The following SLC23A2 variants were observed in gnomAD, a reference collection of about 807,000 sequenced individuals.
SLC23A2 encodes Na(+)/L-ascorbic acid transporter 2.
Under a neutral mutation model 73.3 loss-of-function variants are expected in SLC23A2, and 36 were observed. The observed-to-expected ratio is 0.49, with a 90% CI of 0.38 to 0.65. SLC23A2 has a LOEUF of 0.65. SLC23A2 is among the 30% of genes least tolerant of loss of function. SLC23A2 has a pLI of 0.00. For synonymous variants in SLC23A2, 343 were observed against 327.3 expected (o/e 1.05, Z -0.52); for missense variants, 507 against 841.6 (o/e 0.60, Z 4.92).
Position 4,899,339 on chromosome 20 carries a change from G to A in SLC23A2, c.482+216C>T, listed in dbSNP as rs1931660291. Among the ~76,000 whole-genome samples, 1 of 152,126 alleles carries A rather than the reference G, an allele frequency of 6.6e-6. No individual in the cohort carries two copies. The highest frequency in any genetic ancestry group is 2.1e-4 in the South Asian group (1 of 4,826). On this transcript the variant is annotated intron_variant, in intron 6 of 16. Coordinates refer to ENST00000338244, the MANE Select transcript of SLC23A2 (RefSeq NM_005116.6). This position sits in a 1 kb window ranked among gnomAD's most constrained non-coding sequence, Gnocchi z 4.9. ...AGAGTGAGGCTGAGTTTCCAGCTTG[G>A]ACAACTGGGTAGGGGAAGGTGGCGG...
rs935461691 is a variant in SLC23A2, at chr20:4,899,368, T to A, written c.482+187A>T. 2.6e-5 allele frequency among the ~76,000 whole-genome samples: 4 copies of A among 151,654 alleles called. No individual in the cohort carries two copies. Among genetic ancestry groups the A allele is most frequent in the Non-Finnish European group, 5.9e-5 (4 of 67,906 alleles). ...ACTGGGTAGGGGAAGGTGGCGGTGG[T>A]GCCATTCACCAAGAGAGGAAATGAC... On this transcript the variant is annotated intron_variant, in intron 6 of 16. Coordinates refer to ENST00000338244, the MANE Select transcript of SLC23A2 (RefSeq NM_005116.6). The surrounding 1 kb of genome is among the most constrained non-coding windows in gnomAD (Gnocchi z 4.9).
Position 4,928,330 on chromosome 20 carries a change from C to T in SLC23A2, c.108+4125G>A, listed in dbSNP as rs1012562278. Among the ~76,000 whole-genome samples, 9 of 152,212 alleles carry T rather than the reference C, an allele frequency of 5.9e-5. No homozygotes were observed. In the East Asian group the frequency reaches 9.6e-4, roughly 16 times the overall value. On this transcript the variant is annotated intron_variant, in intron 3 of 16. Coordinates refer to ENST00000338244, the MANE Select transcript of SLC23A2 (RefSeq NM_005116.6). ...TGCTGAGATTACAGGCCTGAGCATC[C>T]GCACCCAGCCTATAACATGTTTTCT... is the stretch of plus-strand genomic sequence containing the variant.
intron 2 of SLC23A2, among the ~76,000 whole-genome samples, chr20:4,957,089 G>A (rs2087302208): frequency 6.6e-6 from 1 of 151,942 alleles, no homozygotes; most frequent in South Asian, 2.1e-4. Context: ...TTACAGGCGT[G>A]AGTTACTGCG....
At chr20:4,991,830 G>GAACAAGTCAATATTATAAAGAT (rs1371864558) in intron 1 of SLC23A2, among the ~76,000 whole-genome samples, 11 of 151,462 alleles carry the variant, frequency 7.3e-5, no homozygotes, top group Non-Finnish European at 1.2e-4. Flanking sequence ...TTCATACACA[G>GAACAAGTCAATATTATAAAGAT]AACAAGTCAA....
At chr20:4,960,576 T>C (rs2087365330) in intron 2 of SLC23A2, among the ~76,000 whole-genome samples, 1 of 152,188 alleles carries the variant, frequency 6.6e-6, no homozygotes, top group African/African-American at 2.4e-5. Context: ...TTTTCCAGAG[T>C]GATTAAGTAG....
chr20:4,948,961 C>A (rs1056503314), intron 2 of SLC23A2, among the ~76,000 whole-genome samples: 36 of 152,236 alleles, frequency 2.4e-4, no homozygotes, highest in African/African-American at 8.7e-4. Context: ...TGTTTACTTA[C>A]TTTTCATCAG....
intron 1 of SLC23A2, among the ~76,000 whole-genome samples, chr20:4,983,370 G>C (rs575758238): frequency 1.3e-5 from 2 of 152,058 alleles, no homozygotes; most frequent in South Asian, 4.2e-4. Flanking sequence ...AAGCAGGCTG[G>C]GCGCAGTGGC....
chr20:4,949,813 T>C (rs1169964257), intron 2 of SLC23A2, among the ~76,000 whole-genome samples: 1 of 152,112 alleles, frequency 6.6e-6, no homozygotes. Flanking sequence ...TCACAACTCA[T>C]TCCCCAAAGC....
intron 3 of SLC23A2, among the ~76,000 whole-genome samples, chr20:4,930,007 G>A (rs1367076479): frequency 6.6e-6 from 1 of 152,140 alleles, no homozygotes; most frequent in Non-Finnish European, 1.5e-5. Flanking sequence ...CAAACTAAGA[G>A]GGAAGAAGAA....
intron 1 of SLC23A2, among the ~76,000 whole-genome samples, chr20:5,008,317 C>T (rs1373334345): frequency 6.6e-6 from 1 of 152,104 alleles, no homozygotes; most frequent in Non-Finnish European, 1.5e-5. Flanking sequence ...CCCCCTACCC[C>T]TTGAAAAAAG....
At chr20:4,971,910 G>T (rs115233603) in intron 1 of SLC23A2, among the ~76,000 whole-genome samples, 1,853 of 152,310 alleles carry the variant, frequency 0.012, 31 homozygotes, top group East Asian at 0.049. Flanking sequence ...GTCACTTTCT[G>T]TTAAAGCCTC....
chr20:5,010,094 CAA>C (rs1298620633), intron 1 of SLC23A2: 16 of 55,800 alleles, frequency 2.9e-4, no homozygotes, highest in East Asian at 6.1e-4. Flanking sequence ...GACTCCGTCT[CAA>C]AAAAAAAAAA....
chr20:4,884,928 G>A lies in SLC23A2; in HGVS notation c.572-105C>T, dbSNP rs1931036855. The A allele has an allele frequency of 1.1e-5, 7 of 641,882 alleles. No individual in the cohort carries two copies. The South Asian group carries it at 1.2e-4, about 11-fold the overall frequency. The allele number at this position is 641,882 out of a possible 1,614,324, so 39.8% of individuals were successfully genotyped here. A position where few individuals can be genotyped will look rare whatever the true frequency, so the allele number is the denominator to read the frequency against. On this transcript the variant is annotated intron_variant, in intron 7 of 16. Coordinates refer to ENST00000338244, the MANE Select transcript of SLC23A2 (RefSeq NM_005116.6). Reference sequence around the variant, plus strand: ...TTTTCTCCCTGTTTTTATTACATCTGTTTCAATCCCCATCCCTAAAATTCA... The same window carrying A: ...TTTTCTCCCTGTTTTTATTACATCTATTTCAATCCCCATCCCTAAAATTCA...
At chr20:4,933,738 T>A (rs1292952110) in intron 2 of SLC23A2, among the ~76,000 whole-genome samples, 1 of 152,008 alleles carries the variant, frequency 6.6e-6, no homozygotes, top group Non-Finnish European at 1.5e-5. Context: ...AAAAAGATAA[T>A]GCAAACAGGT....
intron 1 of SLC23A2, among the ~76,000 whole-genome samples, chr20:4,997,040 A>C (rs2088035425): frequency 1.3e-5 from 2 of 152,138 alleles, no homozygotes; most frequent in African/African-American, 4.8e-5. Context: ...CTAGGTGCTA[A>C]GACCAGAACC....
At chr20:4,874,449 T>C (rs909700309) in intron 10 of SLC23A2, 127 bp downstream of exon 10, 6 of 826,646 alleles carry the variant, frequency 7.3e-6, no homozygotes, top group Non-Finnish European at 1.2e-5. Context: ...TGGTCATTAG[T>C]AGCCTGGTCT....
chr20:5,003,014 G>A (rs1027473770), upstream of SLC23A2, among the ~76,000 whole-genome samples: 1 of 152,178 alleles, frequency 6.6e-6, no homozygotes, highest in African/African-American at 2.4e-5. Flanking sequence ...TCAGTAAGTA[G>A]GGAAAAGAAA....
intron 1 of SLC23A2, among the ~76,000 whole-genome samples, chr20:4,988,751 A>G (rs1370044108): frequency 6.6e-6 from 1 of 151,264 alleles, no homozygotes; most frequent in Non-Finnish European, 1.5e-5. Context: ...AAAAAAAGAA[A>G]GAAAGAAAAA....
intron 3 of SLC23A2, among the ~76,000 whole-genome samples, chr20:4,921,280 G>C (rs1295120382): frequency 6.6e-6 from 1 of 152,170 alleles, no homozygotes; most frequent in East Asian, 1.9e-4. Flanking sequence ...TCAAATACTT[G>C]TCTTAAATCT....
Sources: gnomAD v4.1 joint callset for allele counts (sites outside exome capture counted in the v4.1 genomes callset) on GRCh38, gnomAD v4.1.1 for gene constraint, Gnocchi (gnomAD v3.1) non-coding constraint, MANE v1.5 for transcripts, NCBI Gene and HGNC (gene_info 2026-07-23, HGNC 2026-07-21) for gene names.